Variants in RNF2 observed in about 807,000 individuals in gnomAD.
RNF2 encodes E3 ubiquitin-protein ligase RING2.
In RNF2, 6 loss-of-function variants were observed where a neutral mutation model predicts 37.2. The ratio of observed to expected loss-of-function variants is 0.16; its 90% CI spans 0.09 to 0.32. The LOEUF (loss-of-function observed/expected upper bound fraction) is 0.32. Among genes scored for constraint, RNF2 ranks in the 10% least tolerant of loss-of-function variants. The pLI is 1.00. For missense variants in RNF2, 251 were observed against 404.0 expected (o/e 0.62, Z 3.25); for synonymous variants, 133 against 132.7 (o/e 1.00, Z -0.02).
At chr1:185,088,179 AAG>A (rs1651657495) in intron 2 of RNF2, among the ~76,000 whole-genome samples, 1 of 152,210 alleles carries the variant, frequency 6.6e-6, no homozygotes, top group African/African-American at 2.4e-5. Flanking sequence ...TTTAAGCAAT[AAG>A]AATGGTTAAA....
Position 185,093,236 on chromosome 1 carries a change from C to A in RNF2, c.424C>A (p.His142Asn). The A allele has an allele frequency of 1.2e-6, 2 of 1,613,898 alleles. No individual in the cohort carries two copies. The highest frequency in any genetic ancestry group is 2.2e-5 in the South Asian group (2 of 91,030). The change falls in exon 4 of 7, where the codon CAC (histidine) becomes AAC (asparagine). Residue 142 changes from histidine (H) to asparagine (N), a missense_variant. By Grantham distance (68) the His-to-Asn change is moderately conservative. Around this residue, in one of 7 missense-constraint regions of RNF2, gnomAD observed 33 missense variants for 46.8 expected, o/e 0.71. Coordinates refer to ENST00000367510, the MANE Select transcript of RNF2 (RefSeq NM_007212.4). Reference protein sequence around the residue: ...NKHNNQQALSHSIEEGLKIQA... With the variant: ...NKHNNQQALSNSIEEGLKIQA... The stretch of plus-strand genomic sequence containing the variant: ...GCACAATAATCAGCAAGCACTCAGT[C>A]ACAGCATTGAGGAAGGACTGAAGAT...
intron 1 of RNF2, among the ~76,000 whole-genome samples, chr1:185,065,229 C>T (rs1293258190): frequency 6.6e-6 from 1 of 152,134 alleles, no homozygotes; most frequent in African/African-American, 2.4e-5. Flanking sequence ...ATGCACCAAT[C>T]AGTGCTCTGT....
At chr1:185,096,129 T>G (rs1275947318) in intron 4 of RNF2, among the ~76,000 whole-genome samples, 1 of 152,204 alleles carries the variant, frequency 6.6e-6, no homozygotes, top group Non-Finnish European at 1.5e-5. Flanking sequence ...CACTGTAATT[T>G]ATGGTCAAAT....
At chr1:185,068,495 T>A (rs570046816) in intron 1 of RNF2, among the ~76,000 whole-genome samples, 1 of 152,320 alleles carries the variant, frequency 6.6e-6, no homozygotes, top group East Asian at 1.9e-4. Flanking sequence ...CAGAAGAGCA[T>A]GAAGCAGTGT....
At chr1:185,094,573 A>C (rs960608506) in intron 4 of RNF2, among the ~76,000 whole-genome samples, 1 of 152,176 alleles carries the variant, frequency 6.6e-6, no homozygotes, top group Non-Finnish European at 1.5e-5. Context: ...GTATTGAAGT[A>C]AGTTCCCAAC....
chr1:185,074,982 C>CGTGT (rs368232686), intron 1 of RNF2, among the ~76,000 whole-genome samples: 5 of 151,142 alleles, frequency 3.3e-5, no homozygotes, highest in Admixed American at 2.0e-4. Flanking sequence ...TATATAGTTC[C>CGTGT]GTGTGTGTGT....
chr1:185,098,854 C>T (rs1363981507), intron 5 of RNF2, among the ~76,000 whole-genome samples: 2 of 151,522 alleles, frequency 1.3e-5, no homozygotes, highest in Non-Finnish European at 1.5e-5. Context: ...TGGGTTCAAG[C>T]GATTCTCCTG....
chr1:185,100,090 A>G, intron 6 of RNF2, 110 bp from the exon 7 acceptor site: 2 of 1,185,730 alleles, frequency 1.7e-6, no homozygotes, highest in South Asian at 3.0e-5. Context: ...ACAAGTAGTT[A>G]TTCCTAAGAT....
intron 1 of RNF2, among the ~76,000 whole-genome samples, chr1:185,065,956 AT>A (rs57453569): frequency 3.5e-3 from 482 of 138,326 alleles, no homozygotes; most frequent in Middle Eastern, 3.9e-3. Flanking sequence ...ATACTGTCTC[AT>A]TTTTTTTTTT....
intron 1 of RNF2, among the ~76,000 whole-genome samples, chr1:185,083,060 T>G (rs1651476783): frequency 6.6e-6 from 1 of 152,232 alleles, no homozygotes; most frequent in Admixed American, 6.5e-5. Flanking sequence ...TAGAGTCATC[T>G]TCAAAGCAGC....
chr1:185,091,263 C>T (rs902748566), intron 2 of RNF2, among the ~76,000 whole-genome samples: 5 of 152,188 alleles, frequency 3.3e-5, no homozygotes, highest in African/African-American at 1.2e-4. Flanking sequence ...AGAACTAGAT[C>T]TAACCTAAGG....
chr1:185,056,921 A>C (rs900804523), intron 1 of RNF2, among the ~76,000 whole-genome samples: 1 of 152,142 alleles, frequency 6.6e-6, no homozygotes, highest in Non-Finnish European at 1.5e-5. Flanking sequence ...ATTTTGCTCT[A>C]TTTTCCTTTG....
chr1:185,047,222 A>T (rs1251559975), intron 1 of RNF2, among the ~76,000 whole-genome samples: 1 of 152,250 alleles, frequency 6.6e-6, no homozygotes, highest in East Asian at 1.9e-4. Context: ...AGGCAGATTT[A>T]CGAAGAAAAA....
intron 1 of RNF2, 58 bp from the exon 2 acceptor site, chr1:185,087,494 G>C: frequency 7.1e-7 from 1 of 1,415,660 alleles, no homozygotes; most frequent in Non-Finnish European, 1.0e-6. Context: ...CATACATTCA[G>C]ACCATAGCAC....
chr1:185,046,846 G>A (rs1016081562), intron 1 of RNF2, among the ~76,000 whole-genome samples: 17 of 152,104 alleles, frequency 1.1e-4, no homozygotes, highest in African/African-American at 4.1e-4. Flanking sequence ...TAGTCTAATT[G>A]GTAGCTAATC....
At position 185,100,242 on chromosome 1, in the gene RNF2, T is replaced by C; in HGVS notation, c.952T>C (p.Tyr318His). The change falls in exon 7 of 7, where the codon TAC becomes CAC. Residue 318 changes from tyrosine to histidine, a missense_variant. Tyr to His is a moderately conservative substitution (Grantham distance 83, BLOSUM62 2). This residue lies in a region of RNF2 where 59 missense variants were observed against 69.1 expected (regional missense o/e 0.85). Transcript: ENST00000367510. Reference sequence around the variant, plus strand: ...TTCTTTGGAATTGGTCAGTGAGAAATACTGGAAAGTGAACAAACCCATGGA... The same window carrying C: ...TTCTTTGGAATTGGTCAGTGAGAAACACTGGAAAGTGAACAAACCCATGGA... ...SFSLELVSEK[Y>H]WKVNKPMELY... The C allele has an allele frequency of 6.2e-7, 1 of 1,611,994 alleles. No homozygotes were observed. Among genetic ancestry groups the C allele is most frequent in the Non-Finnish European group, 8.5e-7 (1 of 1,179,252 alleles).
rs1446611619 is a variant in RNF2, at chr1:185,093,079, C to G, written c.267C>G (p.Thr89=). 6.2e-7 allele frequency: 1 copy of G among 1,613,808 alleles called. No homozygotes were observed. Residue 89 remains threonine, a synonymous_variant, in exon 4 of 7, where the codon ACC becomes ACG. Transcript: ENST00000367510. ...TATTTAGCAACAAAGAATGTCCTAC[C>G]TGTCGGAAAAAACTAGTTTCCAAAA... The part of the protein sequence containing the change: ...ALRSGNKECP[T]CRKKLVSKRS...
chr1:185,098,005 G>C (rs1279574843), intron 4 of RNF2, 67 bp from the exon 5 acceptor site: 19 of 1,540,236 alleles, frequency 1.2e-5, no homozygotes, highest in East Asian at 1.1e-4. Context: ...TAGCAAACAT[G>C]CTTCAGATTT....
intron 1 of RNF2, among the ~76,000 whole-genome samples, chr1:185,080,069 C>G (rs930804468): frequency 6.6e-6 from 1 of 152,188 alleles, no homozygotes. Flanking sequence ...ATTCTTGTCA[C>G]TGGAAAAAAT....
Sources: allele counts gnomAD v4.1 joint callset (sites outside exome capture counted in the v4.1 genomes callset), GRCh38; gene constraint gnomAD v4.1.1; regional missense constraint gnomAD v4.1.1; transcripts MANE v1.5; gene names NCBI Gene and HGNC (gene_info 2026-07-23, HGNC 2026-07-21).